The following PTCHD4 variants were observed in gnomAD, a reference collection of about 807,000 sequenced individuals.
PTCHD4 encodes patched domain-containing protein 4.
PTCHD4 carries 33 observed loss-of-function variants against 58.1 expected under a neutral mutation model. The ratio of observed to expected loss-of-function variants is 0.57; its 90% confidence interval spans 0.43 to 0.76. PTCHD4 has a LOEUF of 0.76. Ranked by LOEUF, PTCHD4 falls within the 30% of genes least tolerant of loss-of-function variation. The probability of loss-of-function intolerance (pLI) is 0.00; values close to 1 mark genes in which losing one functional copy is unlikely to be tolerated. For missense variants in PTCHD4, 1,058 were observed against 1,027.1 expected (o/e 1.03, Z -0.41); for synonymous variants, 478 against 409.6 (o/e 1.17, Z -2.02).
At chr6:48,084,318 C>A (rs999966836) in intron 1 of PTCHD4, among the ~76,000 whole-genome samples, 4 of 152,200 alleles carry the variant, frequency 2.6e-5, no homozygotes, top group Non-Finnish European at 5.9e-5. Context: ...AGATTAATCA[C>A]TTCCAATTGA....
At chr6:47,898,434 C>T (rs1581845683) in intron 4 of PTCHD4, among the ~76,000 whole-genome samples, 1 of 152,150 alleles carries the variant, frequency 6.6e-6, no homozygotes, top group African/African-American at 2.4e-5. Flanking sequence ...TTCCCATACA[C>T]AGTAATTAGT....
intron 4 of PTCHD4, among the ~76,000 whole-genome samples, chr6:47,918,769 C>T (rs1355493234): frequency 1.3e-5 from 2 of 152,018 alleles, no homozygotes; most frequent in Non-Finnish European, 2.9e-5. Context: ...AGTTTTTATC[C>T]TGGTACAATG....
At chr6:48,023,416 G>A (rs1763134779) in intron 3 of PTCHD4, among the ~76,000 whole-genome samples, 1 of 152,098 alleles carries the variant, frequency 6.6e-6, no homozygotes, top group Admixed American at 6.5e-5. Flanking sequence ...TCCTTATAAT[G>A]AAAGCAGTCA....
intron 4 of PTCHD4, among the ~76,000 whole-genome samples, chr6:47,888,145 G>C (rs4715050): frequency 0.67 from 102,119 of 151,934 alleles, 34,727 homozygotes; most frequent in East Asian, 0.78. Context: ...ATCACAAGGT[G>C]AGGAGATCGA....
In PTCHD4 at chr6:47,860,990, G is replaced by A. The variant is rs1252799863; in HGVS notation, c.*17313C>T. Among the ~76,000 whole-genome samples, 1 of 151,934 alleles carries A rather than the reference G, an allele frequency of 6.6e-6. No homozygotes were observed. Among genetic ancestry groups the A allele is most frequent in the Non-Finnish European group, 1.5e-5 (1 of 67,922 alleles). On this transcript the variant is annotated 3_prime_UTR_variant, in exon 5 of 5. Coordinates refer to ENST00000339488, the MANE Select transcript of PTCHD4 (RefSeq NM_001384253.1). ...GTGCTCCATGCTGAGGTCGAATGAA[G>A]AAGATAGAAAGTGCCCCTGGATGCC...
chr6:48,013,826 C>T (rs1430849334), intron 3 of PTCHD4, among the ~76,000 whole-genome samples: 1 of 152,128 alleles, frequency 6.6e-6, no homozygotes, highest in Non-Finnish European at 1.5e-5. Flanking sequence ...AAAAAGATTT[C>T]TCAAGAGATC....
chr6:47,998,342 T>C (rs956666504), intron 4 of PTCHD4, among the ~76,000 whole-genome samples: 4 of 152,138 alleles, frequency 2.6e-5, no homozygotes, highest in African/African-American at 9.7e-5. Flanking sequence ...ACTATCTGAC[T>C]CAAGAAGTAA....
At chr6:47,900,407 T>C (rs1419741032) in intron 4 of PTCHD4, 2 of 152,242 alleles carry the variant, frequency 1.3e-5, no homozygotes, top group African/African-American at 4.8e-5. Context: ...TTTTGGCCAC[T>C]TGTTTATCTT....
intron 4 of PTCHD4, among the ~76,000 whole-genome samples, chr6:47,946,277 T>A (rs1168113195): frequency 6.6e-6 from 1 of 152,170 alleles, no homozygotes; most frequent in Non-Finnish European, 1.5e-5. Context: ...ATTTATCAAT[T>A]ATTGAGAGAA....
At chr6:48,074,453 A>C in intron 1 of PTCHD4, among the ~76,000 whole-genome samples, 1 of 152,216 alleles carries the variant, frequency 6.6e-6, no homozygotes, top group East Asian at 1.9e-4. Flanking sequence ...CTGCCTCAGC[A>C]ATTGTGTCTT....
chr6:47,989,495 T>C (rs1172299703), intron 4 of PTCHD4, among the ~76,000 whole-genome samples: 1 of 151,938 alleles, frequency 6.6e-6, no homozygotes, highest in Non-Finnish European at 1.5e-5. Flanking sequence ...GTGGATGGAG[T>C]CCAGGGTCCC....
At chr6:48,041,686 C>T (rs1449377250) in intron 3 of PTCHD4, among the ~76,000 whole-genome samples, 1 of 151,920 alleles carries the variant, frequency 6.6e-6, no homozygotes, top group Non-Finnish European at 1.5e-5. Context: ...AAACTAGTAG[C>T]CCCCTTACTT....
At chr6:48,106,716 C>T (rs1765733792) in intron 1 of PTCHD4, among the ~76,000 whole-genome samples, 1 of 152,080 alleles carries the variant, frequency 6.6e-6, no homozygotes, top group Non-Finnish European at 1.5e-5. Flanking sequence ...TTGTCTCAGC[C>T]CAAAATCTCC....
At chr6:47,944,043 C>A (rs916941944) in intron 4 of PTCHD4, among the ~76,000 whole-genome samples, 4 of 152,014 alleles carry the variant, frequency 2.6e-5, no homozygotes, top group African/African-American at 9.7e-5. Context: ...GAGGGAATGG[C>A]AGACTGGTAG....
At chr6:48,046,593 A>T (rs1490659371) in intron 3 of PTCHD4, among the ~76,000 whole-genome samples, 1 of 151,842 alleles carries the variant, frequency 6.6e-6, no homozygotes, top group Non-Finnish European at 1.5e-5. Context: ...CAGCAATTTC[A>T]GTTTTTATTC....
rs369334783 is a variant in PTCHD4, at chr6:48,033,859, C to T, written c.418-24745G>A. Among the ~76,000 whole-genome samples, 194 of 152,096 alleles carry T rather than the reference C, an allele frequency of 1.3e-3. 3 individuals are homozygous for T. In the South Asian group the frequency reaches 0.037, roughly 29 times the overall value. The stretch of plus-strand genomic sequence containing the variant: ...TTACTTGGGCCTGAAATTTTTACTA[C>T]GAGATGCTATGATAATGTGTTAGAC... On this transcript the variant is annotated intron_variant, in intron 3 of 4. Transcript: ENST00000339488.
chr6:48,056,272 T>A (rs913041425), intron 3 of PTCHD4, among the ~76,000 whole-genome samples: 1 of 152,194 alleles, frequency 6.6e-6, no homozygotes, highest in African/African-American at 2.4e-5. Flanking sequence ...ATAAGAAAGG[T>A]TCTAAGTAAC....
chr6:47,965,838 C>T (rs764869854), intron 4 of PTCHD4, among the ~76,000 whole-genome samples: 2 of 152,046 alleles, frequency 1.3e-5, no homozygotes, highest in African/African-American at 4.8e-5. Context: ...TGGCATGAAC[C>T]CGGGAGGCGG....
intron 4 of PTCHD4, among the ~76,000 whole-genome samples, chr6:47,925,311 G>A (rs898435356): frequency 3.3e-5 from 5 of 151,914 alleles, no homozygotes; most frequent in Admixed American, 2.0e-4. Context: ...CTAGTACTCA[G>A]AAAAATGTCT....
Sources: gnomAD v4.1 joint callset for allele counts (sites outside exome capture counted in the v4.1 genomes callset) on GRCh38, gnomAD v4.1.1 for gene constraint, MANE v1.5 for transcripts, NCBI Gene and HGNC (gene_info 2026-07-23, HGNC 2026-07-21) for gene names.